Variants in OXNAD1 observed in about 807,000 individuals in gnomAD.
The protein encoded by OXNAD1 is oxidoreductase NAD-binding domain-containing protein 1.
OXNAD1 carries 34 observed loss-of-function variants against 32.9 expected under a neutral mutation model. That is an observed-to-expected ratio of 1.03 (90% CI 0.79 to 1.38). OXNAD1 has a LOEUF of 1.38. OXNAD1 is among the 40% of genes most tolerant of loss of function. The pLI, the probability that OXNAD1 is intolerant of heterozygous loss-of-function variation, is 0.00. For missense variants in OXNAD1, 407 were observed against 379.4 expected (o/e 1.07, Z -0.60); for synonymous variants, 134 against 135.2 (o/e 0.99, Z 0.06).
At position 16,298,965 on chromosome 3, in the gene OXNAD1, C is replaced by T. The variant is rs187760994; in HGVS notation, c.433-2661C>T. 3.9e-5 allele frequency among the ~76,000 whole-genome samples: 6 copies of T among 152,260 alleles called. No individual in the cohort carries two copies. ...AAGACAAAGATGGCTTTTAATTCTT[C>T]CCGGATGCTACCAAATCAGAATACA... On this transcript the variant is annotated intron_variant, in intron 6 of 8. Transcript: ENST00000285083. The surrounding 1 kb of genome is among the most constrained non-coding windows in gnomAD (Gnocchi z 5.1).
chr3:16,294,351 C>T (rs1166396555), intron 5 of OXNAD1, among the ~76,000 whole-genome samples: 4 of 152,124 alleles, frequency 2.6e-5, no homozygotes, highest in East Asian at 3.9e-4. Flanking sequence ...TACAGGCATG[C>T]GTCCCTACGC....
At chr3:16,319,713 C>G (rs181571924) in intron 9 of OXNAD1, among the ~76,000 whole-genome samples, 1 of 152,138 alleles carries the variant, frequency 6.6e-6, no homozygotes, top group Non-Finnish European at 1.5e-5. Context: ...TAATACAAAA[C>G]GAGAACACAA....
intron 9 of OXNAD1, among the ~76,000 whole-genome samples, chr3:16,324,694 T>A (rs533038): frequency 0.42 from 57,416 of 136,338 alleles, 12,046 homozygotes; most frequent in East Asian, 0.45. Context: ...GTATTTTATA[T>A]ATATATATCA....
At chr3:16,349,142 T>C (rs1230852004) in intron 9 of OXNAD1, 1 of 152,202 alleles carries the variant, frequency 6.6e-6, no homozygotes, top group African/African-American at 2.4e-5. Flanking sequence ...ACAAACTGTA[T>C]AAACTAAGCT....
At chr3:16,291,389 G>T (rs1559752189) in intron 5 of OXNAD1, among the ~76,000 whole-genome samples, 1 of 152,188 alleles carries the variant, frequency 6.6e-6, no homozygotes, top group African/African-American at 2.4e-5. Flanking sequence ...ATCCCAGAAA[G>T]AAACTCTGTA....
In OXNAD1 at chr3:16,301,032, C is replaced by T. The variant is rs79600672; in HGVS notation, c.433-594C>T. Among the ~76,000 whole-genome samples the T allele has an allele frequency of 6.6e-6, 1 of 152,132 alleles. No individual in the cohort carries two copies. Among genetic ancestry groups the T allele is most frequent in the Non-Finnish European group, 1.5e-5 (1 of 68,024 alleles). On this transcript the variant is annotated intron_variant, in intron 6 of 8. Coordinates refer to ENST00000285083, the MANE Select transcript of OXNAD1 (RefSeq NM_138381.5). The surrounding 1 kb of genome is among the most constrained non-coding windows in gnomAD (Gnocchi z 4.1). ...TATCTAGATAGGTCTATGTGATACT[C>T]CCTAGTATGAAGCCTCTGGCTGCCT...
At chr3:16,341,305 A>C (rs1016288083), downstream of OXNAD1, among the ~76,000 whole-genome samples, 1 of 152,230 alleles carries the variant, frequency 6.6e-6, no homozygotes, top group African/African-American at 2.4e-5. This position sits in a 1 kb window ranked among gnomAD's most constrained non-coding sequence, Gnocchi z 4.7. Context: ...ACTCCTTGGT[A>C]TTTACCCAAA....
At chr3:16,339,308 C>T (rs2071148591), downstream of OXNAD1, 1 of 152,264 alleles carries the variant, frequency 6.6e-6, no homozygotes, top group African/African-American at 2.4e-5. Flanking sequence ...TTATGCTCTG[C>T]TCTTATTTAA....
chr3:16,311,013 AAT>A (rs2067943599), downstream of OXNAD1, among the ~76,000 whole-genome samples: 1 of 146,676 alleles, frequency 6.8e-6, no homozygotes, highest in Non-Finnish European at 1.5e-5. Flanking sequence ...AAAAAAAAAA[AAT>A]CATCTGGGAG....
rs779384087 is a variant in OXNAD1 at position 16,302,759 on chromosome 3, T to A, written c.784+11T>A. 16 of 1,584,700 alleles carry A rather than the reference T, an allele frequency of 1.0e-5. No individual in the cohort carries two copies. The South Asian group carries it at 1.4e-4, about 14-fold the overall frequency. ...AGCCATACATCACGGGTGAGTCCCC[T>A]AAAGATATTTTGACTATCTCCATGC... On this transcript the variant is annotated intron_variant, in intron 8 of 8. Transcript: ENST00000285083. The surrounding 1 kb of genome is among the most constrained non-coding windows in gnomAD (Gnocchi z 4.2).
At chr3:16,283,621 T>G (rs777897803) in intron 4 of OXNAD1, among the ~76,000 whole-genome samples, 5 of 152,192 alleles carry the variant, frequency 3.3e-5, no homozygotes, top group Non-Finnish European at 5.9e-5. Flanking sequence ...AGTTTGTGAT[T>G]GGCAGAAAAG....
chr3:16,336,960 T>C lies in OXNAD1; in HGVS notation c.*31-152T>C, dbSNP rs530157895. 6.6e-6 allele frequency among the ~76,000 whole-genome samples: 1 copy of C among 152,320 alleles called. No homozygotes were observed. Among genetic ancestry groups the C allele is most frequent in the East Asian group, 1.9e-4 (1 of 5,188 alleles). On this transcript the variant is annotated intron_variant, in intron 9 of 9. Transcript: ENST00000435829. This position sits in a 1 kb window ranked among gnomAD's most constrained non-coding sequence, Gnocchi z 6.0. ...CCACTTTCCAACACAGCTCGGCAGC[T>C]CCTCCCATAAGAGGGAGAGTCCCTC...
At position 16,348,940 on chromosome 3, in the gene OXNAD1, G is replaced by C. The variant is rs1459998403; in HGVS notation, c.*31-236G>C. Among the ~76,000 whole-genome samples, 1 of 152,204 alleles carries C rather than the reference G, an allele frequency of 6.6e-6. No individual in the cohort carries two copies. Among genetic ancestry groups the C allele is most frequent in the African/African-American group, 2.4e-5 (1 of 41,444 alleles). On this transcript the variant is annotated intron_variant, in intron 9 of 9. Coordinates refer to the OXNAD1 transcript ENST00000606098. The surrounding 1 kb of genome is among the most constrained non-coding windows in gnomAD (Gnocchi z 6.3). Reference sequence around the variant, plus strand: ...TGGCTGCTGCCAAGGAGGAGGCAGAGGGAAAATTCTGGCTAAAAGAGGTAA... The same window carrying C: ...TGGCTGCTGCCAAGGAGGAGGCAGACGGAAAATTCTGGCTAAAAGAGGTAA...
At position 16,302,072 on chromosome 3, in the gene OXNAD1, G is replaced by A. The variant is rs1414811085; in HGVS notation, c.675+204G>A. Among the ~76,000 whole-genome samples the A allele has an allele frequency of 1.3e-5, 2 of 152,190 alleles. No individual in the cohort carries two copies. Among genetic ancestry groups the A allele is most frequent in the Non-Finnish European group, 2.9e-5 (2 of 68,028 alleles). ...GTGTTGAAGAGGCTAGCAGTTAGGT[G>A]ACAGGAAAGGGTAGGTTTTGGTGGG... On this transcript the variant is annotated intron_variant, in intron 7 of 8. Transcript: ENST00000285083. The surrounding 1 kb of genome is among the most constrained non-coding windows in gnomAD (Gnocchi z 4.2).
Position 16,271,015 on chromosome 3 carries a change from T to A in OXNAD1, c.63T>A (p.Ile21=), listed in dbSNP as rs759968518. The A allele has an allele frequency of 8.1e-6, 13 of 1,614,212 alleles. No homozygotes were observed. In the South Asian group the frequency reaches 1.4e-4, roughly 18 times the overall value. ...GGTGCTCTGTTGGAGCCATCCGTATTGAGGCTGCGTCACTGAGATTGACAC... is the reference window on the plus strand; with the variant it reads ...GGTGCTCTGTTGGAGCCATCCGTATAGAGGCTGCGTCACTGAGATTGACAC... ...LLRCSVGAIR[I]EAASLRLTLS... is the part of the protein sequence containing the mutation. The change falls in exon 3 of 9, where the codon ATT becomes ATA. Residue 21 remains isoleucine (I), a synonymous_variant. Transcript: ENST00000285083. The surrounding 1 kb of genome is among the most constrained non-coding windows in gnomAD (Gnocchi z 4.6).
intron 9 of OXNAD1, among the ~76,000 whole-genome samples, chr3:16,347,252 C>G (rs932548919): frequency 6.6e-6 from 1 of 152,168 alleles, no homozygotes; most frequent in African/African-American, 2.4e-5. Context: ...CAAGGACACC[C>G]TACAGGGCAA....
chr3:16,311,918 AG>A (rs2125128953), intron 9 of OXNAD1, among the ~76,000 whole-genome samples: 1 of 152,344 alleles, frequency 6.6e-6, no homozygotes, highest in East Asian at 1.9e-4. Flanking sequence ...ACAGTTGTGT[AG>A]GAATTTTAAA....
At chr3:16,307,690 G>A (rs1175216224), downstream of OXNAD1, among the ~76,000 whole-genome samples, 2 of 152,118 alleles carry the variant, frequency 1.3e-5, no homozygotes, top group African/African-American at 4.8e-5. Context: ...GGGAAGTGGG[G>A]TCAAGAGAAC....
intron 4 of OXNAD1, among the ~76,000 whole-genome samples, chr3:16,276,977 C>T (rs80085529): frequency 0.015 from 2,232 of 149,214 alleles, 70 homozygotes; most frequent in East Asian, 0.11. Context: ...AGGCTAAAAG[C>T]GCAATGGTGC....
Sources: gnomAD v4.1 joint callset for allele counts (sites outside exome capture counted in the v4.1 genomes callset) on GRCh38, gnomAD v4.1.1 for gene constraint, Gnocchi (gnomAD v3.1) non-coding constraint, MANE v1.5 for transcripts, NCBI Gene and HGNC (gene_info 2026-07-23, HGNC 2026-07-21) for gene names.